The following CARM1 variants were observed in gnomAD, a reference collection of about 807,000 sequenced individuals.
CARM1 encodes the protein coactivator associated arginine methyltransferase 1.
Under a neutral mutation model 72.7 loss-of-function variants are expected in CARM1, and 14 were observed. The observed-to-expected ratio is 0.19, with a 90% CI of 0.13 to 0.30. The LOEUF is 0.30. Among genes scored for constraint, CARM1 ranks in the 10% least tolerant of loss-of-function variants. CARM1 has a pLI of 1.00. For synonymous variants in CARM1, 333 were observed against 345.5 expected, an observed-to-expected ratio of 0.96 and a Z score of 0.40; for missense variants, 432 against 833.7, an observed-to-expected ratio of 0.52 and a Z score of 5.93.
chr19:10,882,524 T>A (rs963227651), intron 1 of CARM1, among the ~76,000 whole-genome samples: 4 of 143,510 alleles, frequency 2.8e-5, no homozygotes, highest in Non-Finnish European at 6.1e-5. Flanking sequence ...CAATCTCCAG[T>A]GCACTCTGTC....
At chr19:10,888,737 T>A (rs1347415244) in intron 1 of CARM1, among the ~76,000 whole-genome samples, 1 of 152,234 alleles carries the variant, frequency 6.6e-6, no homozygotes, top group Non-Finnish European at 1.5e-5. Flanking sequence ...TGCTGTCTCT[T>A]TTGTAGTGCA....
chr19:10,885,504 C>T (rs1156792480), intron 1 of CARM1, among the ~76,000 whole-genome samples: 2 of 152,170 alleles, frequency 1.3e-5, no homozygotes, highest in Non-Finnish European at 2.9e-5. Context: ...GGTGCTACTC[C>T]TGGCGAGGAC....
rs1017239076 is a variant in CARM1 at position 10,921,813 on chromosome 19, G to A, written c.*56G>A. On this transcript the variant is annotated 3_prime_UTR_variant, in exon 16 of 16. Transcript: ENST00000327064. Reference sequence around the variant, plus strand: ...AAACCAAATGATGTCCCTGCCCGCCGCCCCCGCCGGGCGGCTTTCCCCCTT... The same window carrying A: ...AAACCAAATGATGTCCCTGCCCGCCACCCCCGCCGGGCGGCTTTCCCCCTT... 33 of 1,519,670 alleles carry A rather than the reference G, an allele frequency of 2.2e-5. No individual in the cohort carries two copies. The highest frequency in any genetic ancestry group is 1.2e-4 in the Admixed American group (6 of 48,986). The allele number at this position is 1,519,670 out of a possible 1,614,324, so 94.1% of individuals were successfully genotyped here. A position where few individuals can be genotyped will look rare whatever the true frequency, so the allele number is the denominator to read the frequency against.
At chr19:10,883,130 C>T (rs2073914166) in intron 1 of CARM1, among the ~76,000 whole-genome samples, 1 of 152,206 alleles carries the variant, frequency 6.6e-6, no homozygotes, top group Non-Finnish European at 1.5e-5. Context: ...ATGGGAGCCT[C>T]ACCTTGGGAC....
At chr19:10,873,766 A>G (rs1371933282) in intron 1 of CARM1, among the ~76,000 whole-genome samples, 2 of 148,376 alleles carry the variant, frequency 1.3e-5, no homozygotes, top group African/African-American at 2.5e-5. Flanking sequence ...CAGCCTCCCG[A>G]GTAGCTGGGA....
chr19:10,889,930 C>T (rs577046238), intron 1 of CARM1, among the ~76,000 whole-genome samples: 2 of 152,268 alleles, frequency 1.3e-5, no homozygotes, highest in East Asian at 1.9e-4. Context: ...CTCTGGTGGT[C>T]GGCTTTTGGA....
At chr19:10,919,224 C>T (rs778102096) in intron 8 of CARM1, 54 of 193,452 alleles carry the variant, frequency 2.8e-4, no homozygotes, top group Non-Finnish European at 5.1e-4. Flanking sequence ...CCTCTTCATT[C>T]TTTCTCACGT....
chr19:10,879,236 C>T (rs145326029), intron 1 of CARM1, among the ~76,000 whole-genome samples: 143 of 152,266 alleles, frequency 9.4e-4, no homozygotes, highest in African/African-American at 3.3e-3. Flanking sequence ...AGGTCACATC[C>T]AGGTGTTTGT....
At chr19:10,874,226 C>T (rs1484402468) in intron 1 of CARM1, among the ~76,000 whole-genome samples, 2 of 151,926 alleles carry the variant, frequency 1.3e-5, no homozygotes, top group African/African-American at 2.4e-5. Context: ...GCTGGGATTA[C>T]AGGTGTGAGC....
At chr19:10,921,188 G>C in intron 14 of CARM1, 61 bp downstream of exon 14, 1 of 1,551,016 alleles carries the variant, frequency 6.4e-7, no homozygotes, top group Non-Finnish European at 8.9e-7. Context: ...CCAGGGGCCG[G>C]GAAGGGCCTG....
chr19:10,898,429 C>T (rs1157091736), intron 1 of CARM1, among the ~76,000 whole-genome samples: 2 of 152,252 alleles, frequency 1.3e-5, no homozygotes, highest in Non-Finnish European at 2.9e-5. Context: ...TGTCCCCCAC[C>T]TCTCCAGGCC....
Position 10,921,005 on chromosome 19 carries a change from T to A in CARM1, c.1538-45T>A, listed in dbSNP as rs2074240386. Reference sequence around the variant, plus strand: ...CGGGAGGCCGCCCTCGCCGCAGGCCTGGCCCCTCTGCCTCCAGCCCTGACG... The same window carrying A: ...CGGGAGGCCGCCCTCGCCGCAGGCCAGGCCCCTCTGCCTCCAGCCCTGACG... On this transcript the variant is annotated intron_variant, in intron 13 of 15. Transcript: ENST00000327064. The A allele has an allele frequency of 3.7e-6, 6 of 1,612,368 alleles. No individual in the cohort carries two copies. The South Asian group carries it at 6.6e-5, about 18-fold the overall frequency.
chr19:10,916,559 G>T lies in CARM1; in HGVS notation c.938+62G>T, dbSNP rs1283271619. 1 of 1,436,524 alleles carries T rather than the reference G, an allele frequency of 7.0e-7. No homozygotes were observed. Among genetic ancestry groups the T allele is most frequent in the Admixed American group, 1.7e-5 (1 of 58,136 alleles). 89.0% of individuals were successfully genotyped at this position (1,436,524 alleles called of 1,614,324 possible). On this transcript the variant is annotated intron_variant, in intron 7 of 15. Transcript: ENST00000327064. This position sits in a 1 kb window ranked among gnomAD's most constrained non-coding sequence, Gnocchi z 4.4. ...GCCTGCCTTCTCAGGGACAGCCCCA[G>T]CTCCCCAGAGAGCCTGCACTCCTCT...
At chr19:10,882,775 C>T (rs1157883908) in intron 1 of CARM1, among the ~76,000 whole-genome samples, 1 of 152,072 alleles carries the variant, frequency 6.6e-6, no homozygotes, top group African/African-American at 2.4e-5. Flanking sequence ...CTCCTAACCT[C>T]AAGTGGATCT....
rs201586231 is a variant in CARM1, at chr19:10,921,692, G to A, written c.1762G>A (p.Gly588Ser). The A allele has an allele frequency of 1.1e-5, 18 of 1,613,572 alleles. No homozygotes were observed. The highest frequency in any genetic ancestry group is 8.0e-5 in the African/African-American group (6 of 75,054). The change falls in exon 16 of 16, where the codon GGC (glycine) becomes AGC (serine). Residue 588 changes from glycine (G) to serine (S), a missense_variant. Physicochemically the swap from Gly to Ser is moderately conservative, Grantham distance 56. Transcript: ENST00000327064. ...AGTCAACAGCCAGTTCACCATGGGC[G>A]GCCCCGCCATCTCCATGGCGTCGCC... ...YAVNSQFTMG[G>S]PAISMASPMS... is the part of the protein sequence containing the mutation.
intron 9 of CARM1, 39 bp from the exon 10 acceptor site, chr19:10,919,838 G>A (rs375805184): frequency 3.2e-6 from 5 of 1,564,316 alleles, no homozygotes; most frequent in Non-Finnish European, 4.4e-6. Flanking sequence ...GGCAGCGCCT[G>A]TCTGGCTTCC....
Position 10,920,024 on chromosome 19 carries a change from C to A in CARM1, c.1196+58C>A. The A allele has an allele frequency of 7.4e-7, 1 of 1,355,306 alleles. No homozygotes were observed. The allele number at this position is 1,355,306 out of a possible 1,614,324, so 84.0% of individuals were successfully genotyped here. A position where few individuals can be genotyped will look rare whatever the true frequency, so the allele number is the denominator to read the frequency against. On this transcript the variant is annotated intron_variant, in intron 10 of 15. Transcript: ENST00000327064. The surrounding 1 kb of genome is among the most constrained non-coding windows in gnomAD (Gnocchi z 5.3). Reference sequence around the variant, plus strand: ...TCCCCACTCCCAGGGCTTCCTGCAGCTGCAACCTGGCTGGGGGGGTGGAAC... The same window carrying A: ...TCCCCACTCCCAGGGCTTCCTGCAGATGCAACCTGGCTGGGGGGGTGGAAC...
chr19:10,910,546 C>T (rs1435108700), intron 4 of CARM1, among the ~76,000 whole-genome samples: 6 of 150,376 alleles, frequency 4.0e-5, no homozygotes, highest in African/African-American at 7.3e-5. Context: ...TTTTTGGTGT[C>T]TACCTTTTTT....
At chr19:10,874,412 G>T (rs955165116) in intron 1 of CARM1, among the ~76,000 whole-genome samples, 1 of 145,452 alleles carries the variant, frequency 6.9e-6, no homozygotes, top group African/African-American at 2.6e-5. Flanking sequence ...TATTTTTTCA[G>T]ACAGGGCCTC....
Sources: gnomAD v4.1 joint callset for allele counts (sites outside exome capture counted in the v4.1 genomes callset) on GRCh38, gnomAD v4.1.1 for gene constraint, Gnocchi (gnomAD v3.1) non-coding constraint, MANE v1.5 for transcripts, NCBI Gene and HGNC (gene_info 2026-07-23, HGNC 2026-07-21) for gene names.